The following SHANK2 variants were observed in gnomAD, a reference collection of about 807,000 sequenced individuals.
SHANK2 encodes the protein SH3 and multiple ankyrin repeat domains protein 2.
In SHANK2, 43 loss-of-function variants were observed where a neutral mutation model predicts 133.7. The ratio of observed to expected loss-of-function variants is 0.32; its 90% CI spans 0.25 to 0.41. The LOEUF (loss-of-function observed/expected upper bound fraction) is 0.41. SHANK2 is among the 10% of genes least tolerant of loss of function. The probability of loss-of-function intolerance (pLI) is 1.00; values close to 1 mark genes in which losing one functional copy is unlikely to be tolerated. For missense variants in SHANK2, 1,994 were observed against 2,235.8 expected (o/e 0.89, Z 2.18); for synonymous variants, 1,017 against 952.8 (o/e 1.07, Z -1.24).
Position 70,479,350 on chromosome 11 carries a change from G to T in SHANK2, c.4980-5911C>A, listed in dbSNP as rs1328307064. Among the ~76,000 whole-genome samples the T allele has an allele frequency of 6.6e-6, 1 of 152,210 alleles. No individual in the cohort carries two copies. Reference sequence around the variant, plus strand: ...AAAGTTATTTGAAAATCAAGAGGCTGTCAGGATAATACTGCAGAGAGCCCA... The same window carrying T: ...AAAGTTATTTGAAAATCAAGAGGCTTTCAGGATAATACTGCAGAGAGCCCA... On this transcript the variant is annotated intron_variant, in intron 25 of 25. Transcript: ENST00000601538. This position sits in a 1 kb window ranked among gnomAD's most constrained non-coding sequence, Gnocchi z 4.4.
At chr11:70,789,920 C>T (rs1391255068) in intron 14 of SHANK2, among the ~76,000 whole-genome samples, 2 of 152,184 alleles carry the variant, frequency 1.3e-5, no homozygotes, top group Non-Finnish European at 2.9e-5. Flanking sequence ...AACTAAAATA[C>T]GATTTGCTCT....
At chr11:70,627,952 AAG>A (rs2136501121) in intron 17 of SHANK2, among the ~76,000 whole-genome samples, 1 of 152,196 alleles carries the variant, frequency 6.6e-6, no homozygotes, top group East Asian at 1.9e-4. Flanking sequence ...CCTAGCAAGG[AAG>A]AGAGTTGTTT....
intron 14 of SHANK2, among the ~76,000 whole-genome samples, chr11:70,702,346 TCAC>T (rs781837096): frequency 1.7e-4 from 25 of 146,528 alleles, no homozygotes; most frequent in South Asian, 4.5e-4. Context: ...ACCAACACCA[TCAC>T]CACCACCATC....
chr11:70,839,037 C>G (rs782269693), intron 11 of SHANK2, among the ~76,000 whole-genome samples: 1 of 152,198 alleles, frequency 6.6e-6, no homozygotes, highest in South Asian at 2.1e-4. Flanking sequence ...ATTTGTCCCG[C>G]GTTTGCCACT....
chr11:71,248,589 T>C (rs968771457), intron 1 of SHANK2, among the ~76,000 whole-genome samples: 30 of 152,114 alleles, frequency 2.0e-4, no homozygotes, highest in Admixed American at 1.8e-3. Flanking sequence ...AGGGAATAAA[T>C]AGCAAGAGTG....
intron 11 of SHANK2, among the ~76,000 whole-genome samples, chr11:70,856,240 AGATGGATG>A (rs1440783460): frequency 6.6e-5 from 10 of 151,232 alleles, no homozygotes; most frequent in African/African-American, 2.4e-4. Flanking sequence ...ATAAATGGAC[AGATGGATG>A]GATGGGTGGA....
At chr11:70,846,129 A>G (rs1948993576) in intron 11 of SHANK2, among the ~76,000 whole-genome samples, 2 of 152,268 alleles carry the variant, frequency 1.3e-5, no homozygotes, top group South Asian at 4.2e-4. Context: ...CAGCACCCCC[A>G]GGCAAAGTCA....
At chr11:70,624,701 G>A (rs1554999274) in intron 17 of SHANK2, among the ~76,000 whole-genome samples, 1 of 152,208 alleles carries the variant, frequency 6.6e-6, no homozygotes, top group African/African-American at 2.4e-5. Flanking sequence ...GCTGGTGCTG[G>A]CATGGAGTGG....
In SHANK2 at chr11:70,486,408, C is replaced by G; in HGVS notation, c.3885G>C (p.Lys1295Asn). The change falls in exon 25 of 26, where the codon AAG becomes AAC. Residue 1295 changes from lysine to asparagine, a missense_variant. Physicochemically the swap from Lys to Asn is moderately conservative, Grantham distance 94. Around this residue, in one of 5 missense-constraint regions of SHANK2, gnomAD observed 797 missense variants for 907.4 expected, o/e 0.88. Transcript: ENST00000601538. The surrounding 1 kb of genome is among the most constrained non-coding windows in gnomAD (Gnocchi z 8.0). ...DLGRDRKGDD[K>N]KNMLIDIMDT... ...CCATGATGTCGATCAGCATGTTCTT[C>G]TTGTCATCGCCTTTCCGGTCTCGGC... is the stretch of plus-strand genomic sequence containing the variant. 1.2e-6 allele frequency: 2 copies of G among 1,614,096 alleles called. No individual in the cohort carries two copies.
intron 4 of SHANK2, among the ~76,000 whole-genome samples, chr11:71,114,821 G>A (rs1555100029): frequency 6.6e-6 from 1 of 152,078 alleles, no homozygotes; most frequent in African/African-American, 2.4e-5. Context: ...ATGATCATGT[G>A]GCTAAGCTTA....
At chr11:70,480,752 C>A (rs1164614251) in intron 25 of SHANK2, among the ~76,000 whole-genome samples, 3 of 152,238 alleles carry the variant, frequency 2.0e-5, no homozygotes, top group Non-Finnish European at 4.4e-5. Flanking sequence ...TCGTTACTCT[C>A]TAGCCTCAGC....
intron 3 of SHANK2, among the ~76,000 whole-genome samples, chr11:71,130,782 C>T (rs561796309): frequency 1.2e-4 from 18 of 152,098 alleles, no homozygotes; most frequent in South Asian, 4.1e-4. Context: ...CATCTCAGGT[C>T]GTGGCCCCAC....
chr11:70,661,745 C>T (rs1555013437), intron 15 of SHANK2, 67 bp from the exon 16 acceptor site: 7 of 1,614,020 alleles, frequency 4.3e-6, no homozygotes, highest in East Asian at 2.2e-5. Flanking sequence ...GGCCGCTCCT[C>T]CGCCGGGGAC....
chr11:71,222,331 G>A (rs1019832484), intron 2 of SHANK2, among the ~76,000 whole-genome samples: 9 of 152,214 alleles, frequency 5.9e-5, no homozygotes, highest in African/African-American at 1.2e-4. Context: ...CCCATTAATC[G>A]CAGCCGCCAG....
chr11:70,513,815 C>T (rs1264080683), intron 17 of SHANK2, among the ~76,000 whole-genome samples: 1 of 151,880 alleles, frequency 6.6e-6, no homozygotes, highest in African/African-American at 2.4e-5. Flanking sequence ...CATATCCAAT[C>T]CAAAGAAGAG....
At chr11:71,135,260 C>T (rs1307791739) in intron 3 of SHANK2, among the ~76,000 whole-genome samples, 1 of 152,164 alleles carries the variant, frequency 6.6e-6, no homozygotes, top group Non-Finnish European at 1.5e-5. Context: ...CCAGCATTCA[C>T]TCGGTTGTAC....
chr11:71,241,667 G>C (rs1226541593), intron 1 of SHANK2, among the ~76,000 whole-genome samples: 1 of 152,192 alleles, frequency 6.6e-6, no homozygotes, highest in Non-Finnish European at 1.5e-5. Context: ...ACCCCCACCA[G>C]GTTCCCAGGG....
At chr11:70,780,541 T>C (rs1247419077) in intron 14 of SHANK2, among the ~76,000 whole-genome samples, 2 of 151,454 alleles carry the variant, frequency 1.3e-5, no homozygotes, top group Non-Finnish European at 2.9e-5. Context: ...CCTATACTTA[T>C]CTTTAAAGAC....
In SHANK2 at chr11:71,252,411, G is replaced by A. The variant is rs1948200199; in HGVS notation, c.-113+14C>T. On this transcript the variant is annotated intron_variant, in intron 1 of 25. Transcript: ENST00000601538. This position sits in a 1 kb window ranked among gnomAD's most constrained non-coding sequence, Gnocchi z 6.3. The stretch of plus-strand genomic sequence containing the variant: ...TCCCCGGCCCGCGCCCTGCGTCCCC[G>A]GCCGCCGCCTCACCTGGCTCGGCGA... 1 of 151,864 alleles carries A rather than the reference G, an allele frequency of 6.6e-6. No homozygotes were observed. 9.4% of individuals were successfully genotyped at this position (151,864 alleles called of 1,614,324 possible).
Sources: allele counts gnomAD v4.1 joint callset (sites outside exome capture counted in the v4.1 genomes callset), GRCh38; gene constraint gnomAD v4.1.1; regional missense constraint gnomAD v4.1.1; non-coding constraint Gnocchi (gnomAD v3.1); transcripts MANE v1.5; gene names NCBI Gene and HGNC (gene_info 2026-07-23, HGNC 2026-07-21).